PLA2G4E: variants seen among roughly 807,000 people sequenced by gnomAD.
PLA2G4E encodes the protein phospholipase A2 group IVE, also known as cytosolic phospholipase A2 epsilon.
A neutral mutation model predicts 109.1 loss-of-function variants in PLA2G4E; 84 were observed. That is an observed-to-expected ratio of 0.77 (90% CI 0.65 to 0.92). The LOEUF is 0.92. PLA2G4E is among the 40% of genes least tolerant of loss of function. The pLI is 0.00. For missense variants in PLA2G4E, 1,057 were observed against 1,076.6 expected, an observed-to-expected ratio of 0.98 and a Z score of 0.25; for synonymous variants, 469 against 436.1, an observed-to-expected ratio of 1.08 and a Z score of -0.94.
chr15:42,033,215 G>T (rs146499112), intron 1 of PLA2G4E, among the ~76,000 whole-genome samples: 10 of 152,266 alleles, frequency 6.6e-5, no homozygotes, highest in African/African-American at 2.4e-4. Context: ...CACCGAGATG[G>T]ATTAAAGTCA....
exon 20 of PLA2G4E, chr15:41,982,294 T>G (rs1390664334): frequency 6.6e-6 from 1 of 152,212 alleles, no homozygotes; most frequent in East Asian, 1.9e-4. Context: ...CGGTTATACA[T>G]TTCCTTGGTT....
chr15:41,992,411 C>T (rs926905569), intron 13 of PLA2G4E, among the ~76,000 whole-genome samples: 3 of 152,192 alleles, frequency 2.0e-5, no homozygotes, highest in Non-Finnish European at 4.4e-5. Flanking sequence ...CGCTTCATGG[C>T]GTCACTGCTC....
intron 11 of PLA2G4E, among the ~76,000 whole-genome samples, chr15:41,995,735 G>T (rs963394974): frequency 6.6e-6 from 1 of 152,204 alleles, no homozygotes; most frequent in Non-Finnish European, 1.5e-5. Context: ...GCCTAACACA[G>T]GCTTGGTAAA....
intron 1 of PLA2G4E, among the ~76,000 whole-genome samples, chr15:42,021,424 T>G (rs190801482): frequency 1.3e-5 from 2 of 151,240 alleles, no homozygotes; most frequent in East Asian, 4.0e-4. Flanking sequence ...TCTAGGAGGA[T>G]GCGACCGTCG....
intron 1 of PLA2G4E, among the ~76,000 whole-genome samples, chr15:42,049,220 C>G (rs993153012): frequency 2.0e-5 from 3 of 152,134 alleles, no homozygotes; most frequent in African/African-American, 4.8e-5. Context: ...GGCTCTTGAC[C>G]CCTCTTCACA....
At chr15:42,028,429 C>T (rs1002319444) in intron 1 of PLA2G4E, among the ~76,000 whole-genome samples, 21 of 75,484 alleles carry the variant, frequency 2.8e-4, no homozygotes, top group East Asian at 1.7e-3. Flanking sequence ...TTTTTTGAGA[C>T]GGAGTCTCAC....
intron 1 of PLA2G4E, among the ~76,000 whole-genome samples, chr15:42,040,247 A>G (rs982152752): frequency 6.6e-6 from 1 of 152,190 alleles, no homozygotes; most frequent in African/African-American, 2.4e-5. Flanking sequence ...TTTAAGGCCT[A>G]GAGCATCCAG....
intron 10 of PLA2G4E, chr15:41,997,473 GC>G (rs938870922): frequency 4.5e-6 from 2 of 442,676 alleles, no homozygotes; most frequent in African/African-American, 2.0e-5. Context: ...CAAATGCAAA[GC>G]CCCCAAAGCC....
chr15:42,030,481 C>G (rs899032021), intron 1 of PLA2G4E, among the ~76,000 whole-genome samples: 5 of 152,202 alleles, frequency 3.3e-5, no homozygotes, highest in African/African-American at 1.2e-4. Context: ...TTGCATCAGG[C>G]TCTCCAACTA....
At chr15:42,031,718 A>G (rs936012535) in intron 1 of PLA2G4E, among the ~76,000 whole-genome samples, 4 of 152,172 alleles carry the variant, frequency 2.6e-5, no homozygotes, top group African/African-American at 9.7e-5. Flanking sequence ...CTCCTGAGCC[A>G]GGGCACCTCT....
At chr15:42,049,800 C>A (rs1420646969) in intron 1 of PLA2G4E, among the ~76,000 whole-genome samples, 1 of 152,170 alleles carries the variant, frequency 6.6e-6, no homozygotes, top group Non-Finnish European at 1.5e-5. Flanking sequence ...GCCAGAGGGG[C>A]AGAGGAATGC....
At chr15:41,998,041 T>C (rs548678255) in intron 10 of PLA2G4E, 1 of 152,344 alleles carries the variant, frequency 6.6e-6, no homozygotes, top group African/African-American at 2.4e-5. Flanking sequence ...GAAGCAGTCC[T>C]GTTTCCGGGT....
chr15:42,026,168 G>A (rs2068691484), intron 1 of PLA2G4E, among the ~76,000 whole-genome samples: 1 of 152,064 alleles, frequency 6.6e-6, no homozygotes, highest in Admixed American at 6.6e-5. Context: ...ATAGAGGAGA[G>A]TCTTGCCCTA....
intron 10 of PLA2G4E, chr15:41,997,656 A>G (rs2068363358): frequency 6.4e-6 from 1 of 156,306 alleles, no homozygotes; most frequent in Non-Finnish European, 1.4e-5. Flanking sequence ...CGCTGAGATC[A>G]TTTTGCCAAA....
chr15:41,989,144 G>A (rs2068198054), intron 15 of PLA2G4E, among the ~76,000 whole-genome samples: 1 of 152,196 alleles, frequency 6.6e-6, no homozygotes, highest in African/African-American at 2.4e-5. Context: ...ACTGCTGGCC[G>A]AAGCTAGACG....
rs1357964940 is a variant in PLA2G4E, at chr15:42,013,775, A to G, written c.184-18T>C. 1 of 1,543,718 alleles carries G rather than the reference A, an allele frequency of 6.5e-7. No individual in the cohort carries two copies. The highest frequency in any genetic ancestry group is 2.0e-5 in the Admixed American group (1 of 50,910). On this transcript the variant is annotated intron_variant, in intron 1 of 19. Coordinates refer to ENST00000399518, the Ensembl canonical transcript of PLA2G4E. ...AGCCCCTCCTGTGGAAGGAGAGGAC[A>G]GAGGACTCAGTCTTCAAGCATTACT...
chr15:41,986,296 G>A (rs1221789360), intron 17 of PLA2G4E, among the ~76,000 whole-genome samples: 5 of 152,212 alleles, frequency 3.3e-5, no homozygotes, highest in Non-Finnish European at 7.3e-5. Context: ...GGCCCCAGAT[G>A]GTGAGGATGA....
intron 1 of PLA2G4E, among the ~76,000 whole-genome samples, 99 bp downstream of exon 1, chr15:42,020,836 G>A (rs1422816412): frequency 6.6e-6 from 1 of 152,240 alleles, no homozygotes; most frequent in Non-Finnish European, 1.5e-5. Flanking sequence ...CCTGAGGCCC[G>A]TCTCCTGCTC....
chr15:42,003,832 G>A (rs577499776), intron 5 of PLA2G4E, among the ~76,000 whole-genome samples: 146 of 152,298 alleles, frequency 9.6e-4, no homozygotes, highest in African/African-American at 3.4e-3. Context: ...CCAGTTACAG[G>A]GCACTCTGCC....
Sources: gnomAD v4.1 joint callset for allele counts (sites outside exome capture counted in the v4.1 genomes callset) on GRCh38, gnomAD v4.1.1 for gene constraint, MANE v1.5 for transcripts, NCBI Gene and HGNC (gene_info 2026-07-23, HGNC 2026-07-21) for gene names.